IQSEC1: variants seen among roughly 807,000 people sequenced by gnomAD.
The protein encoded by IQSEC1 is IQ motif and SEC7 domain-containing protein 1.
IQSEC1 carries 31 observed loss-of-function variants against 91.0 expected under a neutral mutation model. The ratio of observed to expected loss-of-function variants is 0.34; its 90% CI spans 0.26 to 0.46. The LOEUF (loss-of-function observed/expected upper bound fraction) is 0.46, where lower values mean the gene tolerates loss of function less well. IQSEC1 is among the 20% of genes least tolerant of loss of function. IQSEC1 has a pLI of 1.00. For missense variants in IQSEC1, 1,388 were observed against 1,575.6 expected (o/e 0.88, Z 2.02); for synonymous variants, 699 against 662.6 (o/e 1.05, Z -0.84).
chr3:13,252,190 G>A (rs1170654346), intron 1 of IQSEC1, among the ~76,000 whole-genome samples: 3 of 151,828 alleles, frequency 2.0e-5, no homozygotes, highest in Admixed American at 1.3e-4. Flanking sequence ...CATTAAACAC[G>A]AACTCACCAA....
In IQSEC1 at chr3:13,207,266, C is replaced by G. The variant is rs995504734; in HGVS notation, c.273-43133G>C. Among the ~76,000 whole-genome samples the G allele has an allele frequency of 1.1e-4, 17 of 152,278 alleles. 1 individual carries two copies. In the South Asian group the frequency reaches 1.9e-3, roughly 17 times the overall value. On this transcript the variant is annotated intron_variant, in intron 1 of 15. Coordinates refer to the IQSEC1 transcript ENST00000648114. This position sits in a 1 kb window ranked among gnomAD's most constrained non-coding sequence, Gnocchi z 4.8. Reference sequence around the variant, plus strand: ...CCGCTCAAACCTTCCCACCAGATTCCTCCTGGCTTGTTTCCCTCCCACAAC... The same window carrying G: ...CCGCTCAAACCTTCCCACCAGATTCGTCCTGGCTTGTTTCCCTCCCACAAC...
At chr3:12,926,763 A>G (rs947716174) in intron 3 of IQSEC1, among the ~76,000 whole-genome samples, 1 of 152,364 alleles carries the variant, frequency 6.6e-6, no homozygotes, top group African/African-American at 2.4e-5. Context: ...GGCTGACAGC[A>G]GTGCCCTGCA....
intron 2 of IQSEC1, among the ~76,000 whole-genome samples, chr3:13,151,353 G>C (rs753726721): frequency 6.6e-6 from 1 of 152,208 alleles, no homozygotes; most frequent in African/African-American, 2.4e-5. Context: ...TGCATTGTGT[G>C]TGCTGGTCCC....
rs1348608635 is a variant in IQSEC1, at chr3:12,901,110, G to A, written c.3218C>T (p.Ala1073Val). 7 of 1,540,282 alleles carry A rather than the reference G, an allele frequency of 4.5e-6. No homozygotes were observed. The Admixed American group carries it at 7.9e-5, about 17-fold the overall frequency. The change falls in exon 14 of 14, where the codon GCC (alanine) becomes GTC (valine). Residue 1073 changes from alanine (A) to valine (V), a missense_variant. This residue lies in a region of IQSEC1 where 329 missense variants were observed against 257.8 expected (regional missense o/e 1.28). Transcript: ENST00000613206. The part of the protein sequence containing the change: ...HGGHPAYGAH[A>V]HGHPPLPSAH... ...CGAGGGCAGCGGCGGGTGGCCGTGGGCATGGGCCCCGTAGGCTGGGTGGCC... is the reference window on the plus strand; with the variant it reads ...CGAGGGCAGCGGCGGGTGGCCGTGGACATGGGCCCCGTAGGCTGGGTGGCC...
At chr3:12,961,689 G>A (rs763877189) in intron 1 of IQSEC1, among the ~76,000 whole-genome samples, 14 of 152,052 alleles carry the variant, frequency 9.2e-5, no homozygotes, top group Admixed American at 8.5e-4. Flanking sequence ...CAAGTAATAC[G>A]GTCCAGTTCC....
intron 4 of IQSEC1, among the ~76,000 whole-genome samples, chr3:12,923,838 G>A (rs920775004): frequency 6.6e-6 from 1 of 152,230 alleles, no homozygotes; most frequent in African/African-American, 2.4e-5. Context: ...AGAAGGGACT[G>A]CCCCTGGATG....
At position 13,133,480 on chromosome 3, in the gene IQSEC1, C is replaced by G. The variant is rs146169484; in HGVS notation, c.302+30624G>C. On this transcript the variant is annotated intron_variant, in intron 2 of 15. Transcript: ENST00000648114. ...TCCACGGAAATGTCAGCGAGGCAGA[C>G]CAGAAACTGAACAAACCTGCAGCAT... is the stretch of plus-strand genomic sequence containing the variant. Among the ~76,000 whole-genome samples the G allele has an allele frequency of 7.0e-3, 1,059 of 152,322 alleles. 3 individuals carry two copies. The highest frequency in any genetic ancestry group is 0.011 in the Non-Finnish European group (750 of 68,036).
chr3:13,214,669 G>A lies in IQSEC1; in HGVS notation c.273-50536C>T, dbSNP rs1455691874. ...GAGCAGGGCCACGGTGCCATCAAGG[G>A]GCCACTGTGGCACACGAGCTGGTGT... On this transcript the variant is annotated intron_variant, in intron 1 of 15. Coordinates refer to the IQSEC1 transcript ENST00000648114. This position sits in a 1 kb window ranked among gnomAD's most constrained non-coding sequence, Gnocchi z 4.5. 6.6e-6 allele frequency among the ~76,000 whole-genome samples: 1 copy of A among 152,214 alleles called. No homozygotes were observed.
chr3:13,262,387 G>A (rs941202223), intron 1 of IQSEC1, among the ~76,000 whole-genome samples: 2 of 152,170 alleles, frequency 1.3e-5, no homozygotes, highest in African/African-American at 4.8e-5. Flanking sequence ...ACACTGGAGG[G>A]GCCTGGGGCT....
At chr3:13,265,028 G>C (rs770066387) in intron 1 of IQSEC1, among the ~76,000 whole-genome samples, 18 of 152,238 alleles carry the variant, frequency 1.2e-4, no homozygotes, top group Non-Finnish European at 2.5e-4. Flanking sequence ...CTGCAGCCCT[G>C]ATACCCCTTC....
chr3:13,186,225 G>C (rs561259806), intron 1 of IQSEC1, among the ~76,000 whole-genome samples: 18 of 152,236 alleles, frequency 1.2e-4, no homozygotes, highest in African/African-American at 4.1e-4. Flanking sequence ...GGCAGGGATG[G>C]GCCTGTCTCA....
At chr3:13,015,684 C>T (rs1442559337) in intron 1 of IQSEC1, 11 of 985,252 alleles carry the variant, frequency 1.1e-5, no homozygotes, top group African/African-American at 7.0e-5. Context: ...CAGGTCCTGA[C>T]GTCTGACTTC....
At chr3:13,111,940 T>A (rs889930403) in intron 2 of IQSEC1, among the ~76,000 whole-genome samples, 6 of 152,084 alleles carry the variant, frequency 3.9e-5, no homozygotes, top group African/African-American at 1.4e-4. Context: ...ATACACTGGG[T>A]GATTTTGTTT....
At chr3:13,171,618 TGC>T (rs1693616919) in intron 1 of IQSEC1, among the ~76,000 whole-genome samples, 2 of 152,344 alleles carry the variant, frequency 1.3e-5, no homozygotes, top group South Asian at 4.1e-4. Context: ...CCAGAGTGTC[TGC>T]GCTAGTGCTC....
At chr3:12,903,146 G>C (rs1694562184) in intron 12 of IQSEC1, among the ~76,000 whole-genome samples, 1 of 152,236 alleles carries the variant, frequency 6.6e-6, no homozygotes, top group South Asian at 2.1e-4. Context: ...ATGTGTACAG[G>C]TGGGCCTGAC....
chr3:12,900,457 ATAT>A lies in IQSEC1; in HGVS notation c.*523_*525del, dbSNP rs1694127561. 1.8e-5 allele frequency: 13 copies of A among 721,954 alleles called. No homozygotes were observed. The highest frequency in any genetic ancestry group is 2.2e-5 in the Non-Finnish European group (13 of 592,368). 44.7% of individuals were successfully genotyped at this position (721,954 alleles called of 1,614,324 possible). On this transcript the variant is annotated 3_prime_UTR_variant, in exon 14 of 14. Transcript: ENST00000613206. ...CACAAGTACTACCTATACAGTATATATATATATATATTTATATATTTATATATT... is the reference window on the plus strand; with the variant it reads ...CACAAGTACTACCTATACAGTATATAATATATATTTATATATTTATATATT...
intron 1 of IQSEC1, among the ~76,000 whole-genome samples, chr3:13,174,833 T>TCCC (rs754194155): frequency 8.0e-5 from 9 of 112,702 alleles, no homozygotes; most frequent in South Asian, 3.0e-4. Context: ...GTCTTTCTGC[T>TCCC]CCCCCCCCCC....
At chr3:12,912,670 CAAAAAAAAAAAAAA>C (rs561314162) in intron 9 of IQSEC1, among the ~76,000 whole-genome samples, 3 of 54,028 alleles carry the variant, frequency 5.6e-5, no homozygotes, top group African/African-American at 1.4e-4. Context: ...GACTCCGTCT[CAAAAAAAAAAAAAA>C]AAAAAAAAAA....
At chr3:13,224,318 A>C (rs1432813173) in intron 1 of IQSEC1, among the ~76,000 whole-genome samples, 1 of 152,050 alleles carries the variant, frequency 6.6e-6, no homozygotes, top group East Asian at 1.9e-4. Flanking sequence ...CCCAATTATC[A>C]GGCCCCGAGA....
Sources: allele counts gnomAD v4.1 joint callset (sites outside exome capture counted in the v4.1 genomes callset), GRCh38; gene constraint gnomAD v4.1.1; regional missense constraint gnomAD v4.1.1; non-coding constraint Gnocchi (gnomAD v3.1); transcripts MANE v1.5; gene names NCBI Gene and HGNC (gene_info 2026-07-23, HGNC 2026-07-21).